DST: variants seen among roughly 807,000 people sequenced by gnomAD.
DST encodes the protein bullous pemphigoid antigen.
Under a neutral mutation model 875.2 loss-of-function variants are expected in DST, and 253 were observed. The ratio of observed to expected loss-of-function variants is 0.29; its 90% CI spans 0.26 to 0.32. DST has a LOEUF of 0.32. DST is among the 10% of genes least tolerant of loss of function. DST has a pLI of 1.00. For synonymous variants in DST, 3,124 were observed against 3,197.1 expected (o/e 0.98, Z 0.77); for missense variants, 8,287 against 9,111.6 (o/e 0.91, Z 3.68).
Position 56,606,060 on chromosome 6 carries a change from T to C in DST, c.8568A>G (p.Thr2856=). ...TGTGCATTTTATCCAGAAGAATCATTGTATTAATATTTTCATTTTCATCAC... is the reference window on the plus strand; with the variant it reads ...TGTGCATTTTATCCAGAAGAATCATCGTATTAATATTTTCATTTTCATCAC... The part of the protein sequence containing the change: ...ENSDENENIN[T]MILLDKMHSC... The change falls in exon 40 of 104, where the codon ACA becomes ACG. Residue 2856 remains threonine, a synonymous_variant. Transcript: ENST00000680361. 6.2e-7 allele frequency: 1 copy of C among 1,613,000 alleles called. No individual in the cohort carries two copies. Among genetic ancestry groups the C allele is most frequent in the Non-Finnish European group, 8.5e-7 (1 of 1,179,246 alleles).
chr6:56,739,947 C>T (rs1209495403), intron 4 of DST, among the ~76,000 whole-genome samples: 3 of 152,170 alleles, frequency 2.0e-5, no homozygotes, highest in Admixed American at 1.3e-4. Flanking sequence ...CTACAACCTC[C>T]GCCTCCCAGG....
At chr6:56,921,956 G>C (rs1804481168) in intron 2 of DST, among the ~76,000 whole-genome samples, 1 of 152,152 alleles carries the variant, frequency 6.6e-6, no homozygotes, top group African/African-American at 2.4e-5. Context: ...CCCATTAAAT[G>C]CTAAACACAC....
chr6:56,729,239 A>G (rs1414767091), intron 5 of DST, among the ~76,000 whole-genome samples: 1 of 152,226 alleles, frequency 6.6e-6, no homozygotes, highest in Non-Finnish European at 1.5e-5. Flanking sequence ...ACCCAAAGCA[A>G]TACACTCTAC....
chr6:56,572,299 A>G (rs755730749), intron 52 of DST, 33 bp from the exon 53 acceptor site: 2 of 1,454,100 alleles, frequency 1.4e-6, no homozygotes, highest in African/African-American at 1.4e-5. Context: ...GTCAATATAA[A>G]TGTTGCTAGA....
rs2098941170 is a variant in DST, at chr6:56,646,070, A to G, written c.1650+17T>C. On this transcript the variant is annotated intron_variant, in intron 14 of 103. Transcript: ENST00000680361. ...ACAAAGACTATGCTTGACAATACAA[A>G]GCAAATTTGAGCTTACCTCTAATAA... The G allele has an allele frequency of 5.8e-6, 9 of 1,560,008 alleles. No homozygotes were observed. The highest frequency in any genetic ancestry group is 7.8e-6 in the Non-Finnish European group (9 of 1,151,984).
intron 17 of DST, among the ~76,000 whole-genome samples, chr6:56,640,993 T>C (rs2098892763): frequency 6.6e-6 from 1 of 152,236 alleles, no homozygotes; most frequent in South Asian, 2.1e-4. Flanking sequence ...TACTATAGCA[T>C]AATATGATCA....
Position 56,463,581 on chromosome 6 carries a change from G to A in DST, c.22943C>T (p.Ala7648Val). ...GAGTCTTACCTTGGGTGTGGTGGTG[G>A]CAGGGACCTGTGGGGAGGCCGCCTG... Reference protein sequence around the residue: ...AAQAASPQVPATTTPKILHPL... With the variant: ...AAQAASPQVPVTTTPKILHPL... Residue 7648 changes from alanine to valine, a missense_variant, in exon 101 of 104, where the codon GCC becomes GTC. By Grantham distance (64) the Ala-to-Val change is moderately conservative. This residue lies in a region of DST where 240 missense variants were observed against 237.3 expected (regional missense o/e 1.01). Transcript: ENST00000680361. The A allele has an allele frequency of 1.3e-6, 2 of 1,593,118 alleles. No individual in the cohort carries two copies. The highest frequency in any genetic ancestry group is 4.5e-5 in the East Asian group (2 of 44,544).
intron 12 of DST, among the ~76,000 whole-genome samples, chr6:56,650,343 A>C (rs1563457924): frequency 6.6e-6 from 1 of 151,204 alleles, no homozygotes; most frequent in Non-Finnish European, 1.5e-5. Context: ...AAAAAAAAAA[A>C]AAAAAGCATC....
intron 5 of DST, among the ~76,000 whole-genome samples, chr6:56,734,814 T>A (rs1230238118): frequency 6.6e-6 from 1 of 152,118 alleles, no homozygotes; most frequent in Non-Finnish European, 1.5e-5. Context: ...CCCTACAATA[T>A]CTTTATTCTC....
rs759254829 is a variant in DST at position 56,466,165 on chromosome 6, G to A, written c.22600C>T (p.Arg7534Trp). The change falls in exon 99 of 104, where the codon CGG (arginine) becomes TGG (tryptophan). Residue 7534 changes from arginine to tryptophan, a missense_variant. Transcript: ENST00000680361. ...FGDSQQLRLV[R>W]ILRSTVMVRV... ...ACCATCACAGTACTCCGCAGGATCC[G>A]GACCAGTCGCAGTTGCTGGGAGTCT... 1.2e-6 allele frequency: 2 copies of A among 1,610,620 alleles called. No individual in the cohort carries two copies. Among genetic ancestry groups the A allele is most frequent in the African/African-American group, 1.3e-5 (1 of 74,948 alleles).
chr6:56,716,517 T>A (rs2099395093), intron 5 of DST, among the ~76,000 whole-genome samples: 2 of 152,316 alleles, frequency 1.3e-5, no homozygotes, highest in South Asian at 4.1e-4. Flanking sequence ...CATTATTTTT[T>A]AAAAACTTAA....
At chr6:56,520,798 T>C (rs1264620048) in intron 69 of DST, among the ~76,000 whole-genome samples, 1 of 152,056 alleles carries the variant, frequency 6.6e-6, no homozygotes, top group Non-Finnish European at 1.5e-5. Flanking sequence ...CAGTTCCTAT[T>C]TGTGTTTTCT....
chr6:56,669,325 T>G (rs1394215547), intron 10 of DST, among the ~76,000 whole-genome samples: 1 of 139,826 alleles, frequency 7.2e-6, no homozygotes, highest in Non-Finnish European at 1.5e-5. Context: ...AAGAAATATA[T>G]AGTTTTCAGC....
chr6:56,639,615 T>C lies in DST; in HGVS notation c.2698-4A>G, dbSNP rs1203998047. 3 of 1,613,684 alleles carry C rather than the reference T, an allele frequency of 1.9e-6. No individual in the cohort carries two copies. The Admixed American group carries it at 5.0e-5, about 27-fold the overall frequency. On this transcript the variant is annotated splice_polypyrimidine_tract_variant and splice_region_variant and intron_variant, in intron 20 of 103. Transcript: ENST00000680361. ...GTTCTTGATTCCTGGATGTATTCTT[T>C]AGTAAGGAAAATCATCATAAGAATC...
chr6:56,616,095 C>T (rs1482886146), intron 36 of DST: 1 of 1,614,160 alleles, frequency 6.2e-7, no homozygotes, highest in Admixed American at 1.7e-5. Flanking sequence ...GAGATCCTTT[C>T]CCCACTAGCA....
chr6:56,635,548 C>A, intron 24 of DST, 41 bp downstream of exon 24: 1 of 1,605,278 alleles, frequency 6.2e-7, no homozygotes, highest in African/African-American at 1.3e-5. Context: ...AATCTAATCA[C>A]TTATGCATAC....
intron 2 of DST, among the ~76,000 whole-genome samples, chr6:56,916,794 A>T (rs1273248305): frequency 9.6e-5 from 14 of 145,264 alleles, no homozygotes; most frequent in African/African-American, 2.3e-4. Flanking sequence ...ACACACACAC[A>T]CACACACACA....
chr6:56,631,327 C>T lies in DST; in HGVS notation c.4026G>A (p.Glu1342=). The T allele has an allele frequency of 1.2e-6, 2 of 1,614,004 alleles. No individual in the cohort carries two copies. Among genetic ancestry groups the T allele is most frequent in the Non-Finnish European group, 1.7e-6 (2 of 1,179,968 alleles). Residue 1342 remains glutamate (E), a synonymous_variant, in exon 30 of 104, where the codon GAG becomes GAA. Coordinates refer to ENST00000680361, the MANE Select transcript of DST (RefSeq NM_001374736.1). ...AGGCTGCTGCTTGACTGAAAAACTC[C>T]TCACACTTATTTGTGATTGTTCCCA... ...DDLGTITNKC[E]EFFSQAAASS...
In DST at chr6:56,497,841, T is replaced by C; in HGVS notation, c.20094+15A>G. ...GAATGCTATAAAAACTTTCAGAATT[T>C]ATTCTCTTACTCACCTGGCGCAAGG... On this transcript the variant is annotated intron_variant, in intron 81 of 103. Transcript: ENST00000680361. 5 of 1,576,722 alleles carry C rather than the reference T, an allele frequency of 3.2e-6. No homozygotes were observed. The highest frequency in any genetic ancestry group is 1.7e-4 in the Middle Eastern group (1 of 5,866).
Sources: allele counts gnomAD v4.1 joint callset (sites outside exome capture counted in the v4.1 genomes callset), GRCh38; gene constraint gnomAD v4.1.1; regional missense constraint gnomAD v4.1.1; transcripts MANE v1.5; gene names NCBI Gene and HGNC (gene_info 2026-07-23, HGNC 2026-07-21).